The following SMPD3 variants were observed in gnomAD, a reference collection of about 807,000 sequenced individuals.
SMPD3 encodes the protein nSMase-2.
Under a neutral mutation model 55.7 loss-of-function variants are expected in SMPD3, and 21 were observed. The ratio of observed to expected loss-of-function variants is 0.38; its 90% CI spans 0.27 to 0.54. The LOEUF is 0.54. Among genes scored for constraint, SMPD3 ranks in the 20% least tolerant of loss-of-function variants. SMPD3 has a pLI of 0.80. For synonymous variants in SMPD3, 457 were observed against 404.3 expected (o/e 1.13, Z -1.56); for missense variants, 842 against 899.6 (o/e 0.94, Z 0.82).
At position 68,399,925 on chromosome 16, in the gene SMPD3, G is replaced by A. The variant is rs117853513; in HGVS notation, c.-268-13266C>T. On this transcript the variant is annotated intron_variant, in intron 1 of 8. Coordinates refer to ENST00000219334, the MANE Select transcript of SMPD3 (RefSeq NM_018667.4). ...GTTGGCCTGGGCCCAGCTTCTCTCC[G>A]TAGCCTCATGCCTCCCCAGGCACCA... Among the ~76,000 whole-genome samples, 103 of 152,340 alleles carry A rather than the reference G, an allele frequency of 6.8e-4. No individual in the cohort carries two copies. The East Asian group carries it at 0.014, about 21-fold the overall frequency.
intron 2 of SMPD3, among the ~76,000 whole-genome samples, chr16:68,379,612 G>A (rs549195514): frequency 3.9e-5 from 6 of 152,320 alleles, no homozygotes; most frequent in African/African-American, 1.4e-4. Context: ...AGGGGACGAC[G>A]TCAGGGCCTC....
chr16:68,370,848 A>G lies in SMPD3; in HGVS notation c.1323+11T>C. On this transcript the variant is annotated intron_variant, in intron 3 of 8. Coordinates refer to ENST00000219334, the MANE Select transcript of SMPD3 (RefSeq NM_018667.4). Reference sequence around the variant, plus strand: ...GGCACGTGGTCCTCAGGCTGGGCCGAGGTCTCCTACCTTGAGAAACAGAGC... The same window carrying G: ...GGCACGTGGTCCTCAGGCTGGGCCGGGGTCTCCTACCTTGAGAAACAGAGC... 6.2e-7 allele frequency: 1 copy of G among 1,612,828 alleles called. No individual in the cohort carries two copies. The highest frequency in any genetic ancestry group is 8.5e-7 in the Non-Finnish European group (1 of 1,179,468).
intron 1 of SMPD3, among the ~76,000 whole-genome samples, chr16:68,389,006 C>T (rs2090087047): frequency 6.6e-6 from 1 of 152,202 alleles, no homozygotes; most frequent in African/African-American, 2.4e-5. Context: ...CAAGCAGAAT[C>T]AGCTCCTGCC....
At chr16:68,394,176 G>A (rs144945311) in intron 1 of SMPD3, among the ~76,000 whole-genome samples, 110 of 152,192 alleles carry the variant, frequency 7.2e-4, no homozygotes, top group African/African-American at 2.6e-3. Context: ...CTTTCCTGAT[G>A]TCTCCTTTAT....
intron 1 of SMPD3, among the ~76,000 whole-genome samples, chr16:68,443,468 G>A (rs534826206): frequency 1.3e-5 from 2 of 152,290 alleles, no homozygotes; most frequent in Admixed American, 1.3e-4. Flanking sequence ...GGCTGTATGT[G>A]TACTCTTTGT....
At chr16:68,400,710 T>C (rs8060630) in intron 1 of SMPD3, among the ~76,000 whole-genome samples, 27,396 of 152,178 alleles carry the variant, frequency 0.18, 2,806 homozygotes, top group South Asian at 0.22. Flanking sequence ...TGATCTGCCA[T>C]GGTTGTGCCT....
chr16:68,371,009 G>C lies in SMPD3; in HGVS notation c.1173C>G (p.Val391=). ...AGCTGCAGCAGCCCTGGCAGCCGTAGACCCCGACGTCGTACAGGATGTACT... is the reference window on the plus strand; with the variant it reads ...AGCTGCAGCAGCCCTGGCAGCCGTACACCCCGACGTCGTACAGGATGTACT... ...YFEYILYDVG[V]YGCQGCCSFK... Residue 391 remains valine, a synonymous_variant, in exon 3 of 9, where the codon GTC becomes GTG. Transcript: ENST00000219334. The C allele has an allele frequency of 6.2e-7, 1 of 1,614,182 alleles. No homozygotes were observed. Among genetic ancestry groups the C allele is most frequent in the Non-Finnish European group, 8.5e-7 (1 of 1,180,042 alleles).
Position 68,371,062 on chromosome 16 carries a change from A to G in SMPD3, c.1120T>C (p.Leu374=). The G allele has an allele frequency of 3.1e-6, 5 of 1,614,138 alleles. No individual in the cohort carries two copies. In the South Asian group the frequency reaches 5.5e-5, roughly 18 times the overall value. Residue 374 remains leucine, a synonymous_variant, in exon 3 of 9, where the codon TTG becomes CTG. Coordinates refer to ENST00000219334, the MANE Select transcript of SMPD3 (RefSeq NM_018667.4). ...AAGTAGCCGTGCAGCTGCTCTTTCA[A>G]TTTGGTGGCTGCTCGCTTGTCAAAC... ...EVFDKRAATK[L]KEQLHGYFEY...
At position 68,372,992 on chromosome 16, in the gene SMPD3, C is replaced by T. The variant is rs1389761265; in HGVS notation, c.-206-605G>A. Among the ~76,000 whole-genome samples, 3 of 152,296 alleles carry T rather than the reference C, an allele frequency of 2.0e-5. 1 individual carries two copies. In the East Asian group the frequency reaches 5.8e-4, roughly 29 times the overall value. ...TGCACAACCGGGCTGTCACTGTGGCCCCAGCCTGCAGGATCACACCAAGCC... is the reference window on the plus strand; with the variant it reads ...TGCACAACCGGGCTGTCACTGTGGCTCCAGCCTGCAGGATCACACCAAGCC... On this transcript the variant is annotated intron_variant, in intron 2 of 8. Transcript: ENST00000219334.
intron 1 of SMPD3, among the ~76,000 whole-genome samples, chr16:68,435,354 G>A (rs1181643373): frequency 1.3e-5 from 2 of 152,190 alleles, no homozygotes; most frequent in Non-Finnish European, 2.9e-5. Context: ...ATTTCAGTGA[G>A]GGCTTTTTCA....
intron 1 of SMPD3, among the ~76,000 whole-genome samples, chr16:68,419,391 G>C (rs4354926): frequency 6.6e-6 from 1 of 152,080 alleles, no homozygotes; most frequent in Non-Finnish European, 1.5e-5. Flanking sequence ...CAGCCAGTGC[G>C]GGAGAAACAG....
At chr16:68,431,725 C>G (rs550917101) in intron 1 of SMPD3, among the ~76,000 whole-genome samples, 1 of 152,300 alleles carries the variant, frequency 6.6e-6, no homozygotes, top group South Asian at 2.1e-4. Context: ...AGTTCAAGAC[C>G]AGCCTGGTCA....
intron 2 of SMPD3, among the ~76,000 whole-genome samples, chr16:68,381,461 CCCTGGAGCA>C (rs2089950088): frequency 6.6e-6 from 1 of 152,166 alleles, no homozygotes; most frequent in Non-Finnish European, 1.5e-5. Context: ...TTCCTCTGGC[CCCTGGAGCA>C]CCTGGAACCT....
At chr16:68,420,259 A>T (rs530885256) in intron 1 of SMPD3, among the ~76,000 whole-genome samples, 2 of 152,122 alleles carry the variant, frequency 1.3e-5, no homozygotes, top group Admixed American at 6.5e-5. Context: ...CTTATTACTA[A>T]TATCATTACT....
chr16:68,378,097 A>G (rs1046682229), intron 2 of SMPD3, among the ~76,000 whole-genome samples: 97 of 152,276 alleles, frequency 6.4e-4, no homozygotes, highest in African/African-American at 1.9e-3. Flanking sequence ...CAGAGCAGAG[A>G]GGCCTCCTCT....
At chr16:68,397,890 G>A (rs1004711053) in intron 1 of SMPD3, among the ~76,000 whole-genome samples, 13 of 152,232 alleles carry the variant, frequency 8.5e-5, no homozygotes, top group African/African-American at 2.7e-4. Flanking sequence ...GGCCTCTAGA[G>A]GGTCTGGGAC....
chr16:68,388,161 G>T (rs2090077403), intron 1 of SMPD3, among the ~76,000 whole-genome samples: 1 of 152,158 alleles, frequency 6.6e-6, no homozygotes, highest in Non-Finnish European at 1.5e-5. Context: ...GAGCCCCCCA[G>T]GTCTATGCTC....
chr16:68,370,733 TGCCTCCCACTCCA>T (rs1243866083), intron 3 of SMPD3, 113 bp downstream of exon 3: 2 of 1,274,772 alleles, frequency 1.6e-6, no homozygotes, highest in Non-Finnish European at 2.2e-6. Flanking sequence ...AGACCGCGTC[TGCCTCCCACTCCA>T]ACCTCCCACT....
intron 1 of SMPD3, among the ~76,000 whole-genome samples, chr16:68,420,168 C>T (rs1011920090): frequency 1.3e-5 from 2 of 152,040 alleles, no homozygotes; most frequent in South Asian, 4.2e-4. Flanking sequence ...GTACCGAACT[C>T]CTGACCTCAG....
Sources: gnomAD v4.1 joint callset for allele counts (sites outside exome capture counted in the v4.1 genomes callset) on GRCh38, gnomAD v4.1.1 for gene constraint, MANE v1.5 for transcripts, NCBI Gene and HGNC (gene_info 2026-07-23, HGNC 2026-07-21) for gene names.